The following MDM4 variants were observed in gnomAD, a reference collection of about 807,000 sequenced individuals.
The protein encoded by MDM4 is protein Mdm4.
In MDM4, 2 loss-of-function variants were observed where a neutral mutation model predicts 60.2. The observed-to-expected ratio is 0.03, with a 90% CI of 0.01 to 0.10. The LOEUF is 0.10. Among genes scored for constraint, MDM4 ranks in the 10% least tolerant of loss-of-function variants. MDM4 has a pLI of 1.00. For synonymous variants in MDM4, 202 were observed against 198.1 expected (o/e 1.02, Z -0.17); for missense variants, 447 against 577.5 (o/e 0.77, Z 2.32).
intron 1 of MDM4, among the ~76,000 whole-genome samples, chr1:204,523,056 T>C (rs539484401): frequency 6.9e-6 from 1 of 144,966 alleles, no homozygotes; most frequent in South Asian, 2.5e-4. Flanking sequence ...AGAGACGGGG[T>C]TTCACCATGT....
At position 204,554,246 on chromosome 1, in the gene MDM4, T is replaced by C. The variant is rs1663408906; in HGVS notation, c.*4564T>C. Reference sequence around the variant, plus strand: ...AAGGAAGACAATTGTTAACTAGATATTTGAGTTTTTTCCCCTCAGAATTAT... The same window carrying C: ...AAGGAAGACAATTGTTAACTAGATACTTGAGTTTTTTCCCCTCAGAATTAT... On this transcript the variant is annotated 3_prime_UTR_variant, in exon 11 of 11. Transcript: ENST00000367182. 4.4e-6 allele frequency: 1 copy of C among 225,118 alleles called. No individual in the cohort carries two copies. The highest frequency in any genetic ancestry group is 5.7e-5 in the Admixed American group (1 of 17,534). 13.9% of individuals were successfully genotyped at this position (225,118 alleles called of 1,614,324 possible). A position where few individuals can be genotyped will look rare whatever the true frequency, so the allele number is the denominator to read the frequency against.
At chr1:204,545,545 A>G (rs1334607236) in intron 9 of MDM4, among the ~76,000 whole-genome samples, 3 of 152,096 alleles carry the variant, frequency 2.0e-5, no homozygotes, top group Non-Finnish European at 4.4e-5. Context: ...TATTTAAGGG[A>G]TTTTCATAAG....
intron 7 of MDM4, among the ~76,000 whole-genome samples, chr1:204,539,604 G>T (rs1335532766): frequency 2.0e-5 from 3 of 146,848 alleles, no homozygotes; most frequent in Non-Finnish European, 4.5e-5. Flanking sequence ...CACAGTCTCA[G>T]CTCACTGCAA....
rs1168203843 is a variant in MDM4, at chr1:204,553,851, T to C, written c.*4169T>C. The stretch of plus-strand genomic sequence containing the variant: ...ACCAGATCTTTAATATGGTATGCCA[T>C]TTCCCCAGTCTACCAATGGAATAGT... On this transcript the variant is annotated 3_prime_UTR_variant, in exon 11 of 11. Coordinates refer to ENST00000367182, the MANE Select transcript of MDM4 (RefSeq NM_002393.5). 1 of 220,946 alleles carries C rather than the reference T, an allele frequency of 4.5e-6. No individual in the cohort carries two copies. The highest frequency in any genetic ancestry group is 2.2e-5 in the African/African-American group (1 of 44,716). 13.7% of individuals were successfully genotyped at this position (220,946 alleles called of 1,614,324 possible). A position where few individuals can be genotyped will look rare whatever the true frequency, so the allele number is the denominator to read the frequency against.
chr1:204,532,084 G>T, intron 4 of MDM4, 107 bp from the exon 5 acceptor site: 1 of 685,304 alleles, frequency 1.5e-6, no homozygotes, highest in Non-Finnish European at 2.6e-6. Context: ...CTTACAGAGA[G>T]ACTTGGGAGA....
At chr1:204,521,630 G>A (rs1659574121) in intron 1 of MDM4, among the ~76,000 whole-genome samples, 2 of 152,148 alleles carry the variant, frequency 1.3e-5, no homozygotes, top group South Asian at 4.2e-4. Flanking sequence ...TGCCAGGCCT[G>A]GAATTGTCAC....
chr1:204,520,251 C>A (rs1442748437), intron 1 of MDM4, among the ~76,000 whole-genome samples: 1 of 140,962 alleles, frequency 7.1e-6, no homozygotes. Flanking sequence ...GCACTCCAGC[C>A]TGTGCGACAG....
intron 4 of MDM4, among the ~76,000 whole-genome samples, chr1:204,531,325 G>A (rs1387246643): frequency 6.6e-6 from 1 of 152,202 alleles, no homozygotes; most frequent in Admixed American, 6.5e-5. Flanking sequence ...AGAGTGAGCA[G>A]ATGAGAGAAA....
chr1:204,527,349 T>C (rs1438723286), intron 3 of MDM4, among the ~76,000 whole-genome samples: 1 of 151,920 alleles, frequency 6.6e-6, no homozygotes, highest in Non-Finnish European at 1.5e-5. Flanking sequence ...AGGAATTAAA[T>C]GCAGTAGTTT....
intron 1 of MDM4, among the ~76,000 whole-genome samples, chr1:204,517,914 C>G (rs1336055148): frequency 6.6e-6 from 1 of 151,736 alleles, no homozygotes; most frequent in African/African-American, 2.4e-5. Flanking sequence ...TTAATCCCAG[C>G]ACTTTGGGAG....
chr1:204,532,358 C>A, intron 5 of MDM4, 112 bp downstream of exon 5: 1 of 739,192 alleles, frequency 1.4e-6, no homozygotes, highest in Non-Finnish European at 2.4e-6. Context: ...TTTGGCATGA[C>A]TGGGAGAAAT....
chr1:204,548,836 A>C (rs190760003), intron 10 of MDM4, among the ~76,000 whole-genome samples: 1 of 152,122 alleles, frequency 6.6e-6, no homozygotes, highest in Admixed American at 6.5e-5. Context: ...AACAATGTAA[A>C]TTTCACCGAG....
At position 204,556,823 on chromosome 1, in the gene MDM4, A is replaced by G. The variant is rs1183563376; in HGVS notation, c.*7141A>G. On this transcript the variant is annotated 3_prime_UTR_variant, in exon 11 of 11. Coordinates refer to ENST00000367182, the MANE Select transcript of MDM4 (RefSeq NM_002393.5). ...TTTTTTTTTCCCCCTTTTAAAATCA[A>G]CAGGAAATGTTTCAAAGGAGGGATG... 2.4e-5 allele frequency: 5 copies of G among 210,916 alleles called. No individual in the cohort carries two copies. The highest frequency in any genetic ancestry group is 4.8e-5 in the Non-Finnish European group (5 of 104,014). 13.1% of individuals were successfully genotyped at this position (210,916 alleles called of 1,614,324 possible). A position where few individuals can be genotyped will look rare whatever the true frequency, so the allele number is the denominator to read the frequency against.
intron 7 of MDM4, among the ~76,000 whole-genome samples, chr1:204,540,645 C>T (rs577573483): frequency 1.3e-5 from 2 of 152,150 alleles, no homozygotes; most frequent in East Asian, 3.9e-4. Flanking sequence ...CGCCTGTAAT[C>T]CCAGCTACTC....
intron 3 of MDM4, chr1:204,528,711 A>G (rs1213526339): frequency 1.6e-6 from 1 of 629,460 alleles, no homozygotes; most frequent in African/African-American, 1.8e-5. Context: ...CTCTTTTGGA[A>G]CAGTGTTGCA....
chr1:204,533,270 A>G (rs765513653), intron 5 of MDM4, among the ~76,000 whole-genome samples: 4 of 152,238 alleles, frequency 2.6e-5, no homozygotes, highest in African/African-American at 7.2e-5. Flanking sequence ...TTTCCAAATA[A>G]TGAAACTTTT....
chr1:204,551,862 T>G lies in MDM4; in HGVS notation c.*2180T>G, dbSNP rs1663234580. The G allele has an allele frequency of 4.8e-6, 1 of 208,266 alleles. No homozygotes were observed. Among genetic ancestry groups the G allele is most frequent in the Non-Finnish European group, 9.8e-6 (1 of 102,420 alleles). 12.9% of individuals were successfully genotyped at this position (208,266 alleles called of 1,614,324 possible). On this transcript the variant is annotated 3_prime_UTR_variant, in exon 11 of 11. Coordinates refer to ENST00000367182, the MANE Select transcript of MDM4 (RefSeq NM_002393.5). Reference sequence around the variant, plus strand: ...GCAAGTTTTATACAGAACATACTTTTGGAATCCTTGCCCTAGACAGGGGTG... The same window carrying G: ...GCAAGTTTTATACAGAACATACTTTGGGAATCCTTGCCCTAGACAGGGGTG...
chr1:204,531,659 C>T (rs940912619), intron 4 of MDM4, among the ~76,000 whole-genome samples: 3 of 151,966 alleles, frequency 2.0e-5, no homozygotes, highest in Non-Finnish European at 2.9e-5. Context: ...AGTGAAACGC[C>T]GTCTCTACTA....
intron 5 of MDM4, among the ~76,000 whole-genome samples, chr1:204,534,729 C>G (rs182759960): frequency 3.3e-5 from 5 of 152,140 alleles, no homozygotes; most frequent in Admixed American, 2.6e-4. Context: ...AGGACTCAAG[C>G]GATCCCCCTT....
Sources: allele counts gnomAD v4.1 joint callset (sites outside exome capture counted in the v4.1 genomes callset), GRCh38; gene constraint gnomAD v4.1.1; transcripts MANE v1.5; gene names NCBI Gene and HGNC (gene_info 2026-07-23, HGNC 2026-07-21).